The following NCSTN variants were observed in gnomAD, a reference collection of about 807,000 sequenced individuals.
NCSTN encodes anterior pharynx-defective 2.
In NCSTN, 22 loss-of-function variants were observed where a neutral mutation model predicts 87.0. The observed-to-expected ratio is 0.25, with a 90% confidence interval of 0.18 to 0.36. The LOEUF (loss-of-function observed/expected upper bound fraction) is 0.36. Ranked by LOEUF, NCSTN falls within the 10% of genes least tolerant of loss-of-function variation. The pLI is 1.00. For synonymous variants in NCSTN, 306 were observed against 327.1 expected (o/e 0.94, Z 0.69); for missense variants, 693 against 883.3 (o/e 0.78, Z 2.73).
In NCSTN at chr1:160,344,732, G is replaced by C; in HGVS notation, c.96G>C (p.Arg32Ser). 2 of 1,614,010 alleles carry C rather than the reference G, an allele frequency of 1.2e-6. No homozygotes were observed. Among genetic ancestry groups the C allele is most frequent in the African/African-American group, 2.7e-5 (2 of 75,020 alleles). Residue 32 changes from arginine to serine, a missense_variant, in exon 2 of 17, where the codon AGG becomes AGC. Physicochemically the swap from Arg to Ser is moderately radical, Grantham distance 110. Transcript: ENST00000294785. ...SFCVLLAGLC[R>S]GNSVERKIYI... ...TTATCTTCCGATCAGGTTTGTGCAG[G>C]GGAAACTCAGTGGAGAGGAAGATAT...
intron 2 of NCSTN, among the ~76,000 whole-genome samples, chr1:160,346,553 G>A (rs1648501961): frequency 6.6e-6 from 1 of 151,936 alleles, no homozygotes; most frequent in African/African-American, 2.4e-5. Context: ...AAAGCACTGG[G>A]AGTAGGTTGA....
Position 160,344,745 on chromosome 1 carries a change from G to A in NCSTN, c.109G>A (p.Glu37Lys). ...AGGTTTGTGCAGGGGAAACTCAGTG[G>A]AGAGGAAGATATATATCCCCTTAAA... ...LAGLCRGNSVERKIYIPLNKT... is the reference protein window; with the variant it reads ...LAGLCRGNSVKRKIYIPLNKT... Residue 37 changes from glutamate (E) to lysine (K), a missense_variant, in exon 2 of 17, where the codon GAG (glutamate) becomes AAG (lysine). Physicochemically the swap from Glu to Lys is moderately conservative, Grantham distance 56. Coordinates refer to ENST00000294785, the MANE Select transcript of NCSTN (RefSeq NM_015331.3). 6.2e-7 allele frequency: 1 copy of A among 1,614,112 alleles called. No individual in the cohort carries two copies. Among genetic ancestry groups the A allele is most frequent in the East Asian group, 2.2e-5 (1 of 44,890 alleles).
intron 8 of NCSTN, among the ~76,000 whole-genome samples, chr1:160,352,631 A>G (rs1338606832): frequency 6.6e-6 from 1 of 152,190 alleles, no homozygotes. Flanking sequence ...ATAATAGCTG[A>G]TGTTCATCTT....
In NCSTN at chr1:160,357,173, A is replaced by C; in HGVS notation, c.1927A>C (p.Thr643Pro). The change falls in exon 16 of 17, where the codon ACT (threonine) becomes CCT (proline). Residue 643 changes from threonine (T) to proline (P), a missense_variant. This residue lies in a region of NCSTN where 216 missense variants were observed against 311.7 expected (regional missense o/e 0.69). Transcript: ENST00000294785. ...CTTTGAACTGAGTCAGTGGAGCTCTACTGAATACTCTACATGGACTGAGAG... is the reference window on the plus strand; with the variant it reads ...CTTTGAACTGAGTCAGTGGAGCTCTCCTGAATACTCTACATGGACTGAGAG... ...PAFELSQWSSTEYSTWTESRW... is the reference protein window; with the variant it reads ...PAFELSQWSSPEYSTWTESRW... 1 of 1,614,150 alleles carries C rather than the reference A, an allele frequency of 6.2e-7. No individual in the cohort carries two copies. The highest frequency in any genetic ancestry group is 1.1e-5 in the South Asian group (1 of 91,080).
intron 13 of NCSTN, 85 bp from the exon 14 acceptor site, chr1:160,356,175 C>T (rs1244300288): frequency 1.6e-6 from 2 of 1,264,416 alleles, no homozygotes; most frequent in African/African-American, 2.9e-5. Context: ...TGGTTCCTGC[C>T]CCATGACTGG....
In NCSTN at chr1:160,355,894, G is replaced by A. The variant is rs757610530; in HGVS notation, c.1487G>A (p.Arg496His). The A allele has an allele frequency of 7.4e-6, 12 of 1,614,064 alleles. No homozygotes were observed. In the East Asian group the frequency reaches 8.9e-5, roughly 12 times the overall value. Residue 496 changes from arginine to histidine, a missense_variant, in exon 13 of 17, where the codon CGT becomes CAT. By Grantham distance (29) the Arg-to-His change is conservative. Transcript: ENST00000294785. ...ALADVATVLG[R>H]ALYELAGGTN... is the part of the protein sequence containing the mutation. ...GCAGATGTGGCCACGGTGCTGGGAC[G>A]TGCTCTGTATGAGCTTGCAGGAGGA...
Position 160,355,958 on chromosome 1 carries a change from G to A in NCSTN, c.1551G>A (p.Thr517=). The part of the protein sequence containing the change: ...FSDTVQADPQ[T]VTRLLYGFLI... Reference sequence around the variant, plus strand: ...ACACAGTTCAGGCTGATCCCCAAACGGTAAGCAGATGGGCCCTAGCTCCTT... The same window carrying A: ...ACACAGTTCAGGCTGATCCCCAAACAGTAAGCAGATGGGCCCTAGCTCCTT... Residue 517 remains threonine, a splice_region_variant and synonymous_variant, in exon 13 of 17, where the codon ACG becomes ACA. Coordinates refer to ENST00000294785, the MANE Select transcript of NCSTN (RefSeq NM_015331.3). 6.2e-7 allele frequency: 1 copy of A among 1,611,522 alleles called. No homozygotes were observed. The highest frequency in any genetic ancestry group is 8.5e-7 in the Non-Finnish European group (1 of 1,177,792).
chr1:160,353,157 C>G lies in NCSTN; in HGVS notation c.1102-3C>G. On this transcript the variant is annotated splice_region_variant and splice_polypyrimidine_tract_variant and intron_variant, in intron 9 of 16. Coordinates refer to ENST00000294785, the MANE Select transcript of NCSTN (RefSeq NM_015331.3). Reference sequence around the variant, plus strand: ...AAGTGTTGTTTCTTCATCCTCCCCCCAGGTGGCCTTAAGAACTTCATTAGA... The same window carrying G: ...AAGTGTTGTTTCTTCATCCTCCCCCGAGGTGGCCTTAAGAACTTCATTAGA... 3 of 1,614,056 alleles carry G rather than the reference C, an allele frequency of 1.9e-6. No homozygotes were observed. The highest frequency in any genetic ancestry group is 1.7e-6 in the Non-Finnish European group (2 of 1,179,892).
Position 160,343,954 on chromosome 1 carries a change from G to GTT in NCSTN, c.85+494_85+495dup, listed in dbSNP as rs35301624. 1,148 of 151,910 alleles carry GTT rather than the reference G, an allele frequency of 7.6e-3. 3 individuals are homozygous for GTT. Among genetic ancestry groups the GTT allele is most frequent in the South Asian group, 0.019 (222 of 11,778 alleles). The allele number at this position is 151,910 out of a possible 1,614,324, so 9.4% of individuals were successfully genotyped here. On this transcript the variant is annotated intron_variant, in intron 1 of 16. Coordinates refer to ENST00000294785, the MANE Select transcript of NCSTN (RefSeq NM_015331.3). ...TCTGTGTCCCCCTGCCTTGCCTCAG[G>GTT]TTTTTTTTTTTTTTTTTTTTTTAAT...
At chr1:160,344,534 G>A in intron 1 of NCSTN, 188 bp from the exon 2 acceptor site, 1 of 1,549,470 alleles carries the variant, frequency 6.5e-7, no homozygotes, top group Non-Finnish European at 8.7e-7. Flanking sequence ...ACATAGCTGG[G>A]TGCCATGTAG....
chr1:160,343,483 T>G lies in NCSTN; in HGVS notation c.85+2T>G. 1 of 1,605,890 alleles carries G rather than the reference T, an allele frequency of 6.2e-7. No homozygotes were observed. The highest frequency in any genetic ancestry group is 8.5e-7 in the Non-Finnish European group (1 of 1,176,988). ...TGTCTTTCTGCGTCCTACTAGCAGGTGAGGCCTCCCCGCCCGTGAGCTCCG... is the reference window on the plus strand; with the variant it reads ...TGTCTTTCTGCGTCCTACTAGCAGGGGAGGCCTCCCCGCCCGTGAGCTCCG... On this transcript the variant is annotated splice_donor_variant, in intron 1 of 16. Coordinates refer to ENST00000294785, the MANE Select transcript of NCSTN (RefSeq NM_015331.3). LOFTEE classifies it high-confidence loss of function.
At chr1:160,350,304 T>C in intron 5 of NCSTN, 54 bp downstream of exon 5, 1 of 1,600,604 alleles carries the variant, frequency 6.2e-7, no homozygotes, top group Non-Finnish European at 8.5e-7. Context: ...ATTATTTTTC[T>C]AGCCAGGTGT....
rs536334715 is a variant in NCSTN at position 160,351,452 on chromosome 1, A to C, written c.733+80A>C. On this transcript the variant is annotated intron_variant, in intron 6 of 16. Coordinates refer to ENST00000294785, the MANE Select transcript of NCSTN (RefSeq NM_015331.3). The stretch of plus-strand genomic sequence containing the variant: ...AACCAGGCCAGGGAATGTTAGAGAG[A>C]CTGTAATAGGGAAGGAGTAGACACC... 6.2e-5 allele frequency: 94 copies of C among 1,513,310 alleles called. 1 individual carries two copies. In the South Asian group the frequency reaches 1.1e-3, roughly 17 times the overall value. The allele number at this position is 1,513,310 out of a possible 1,614,324, so 93.7% of individuals were successfully genotyped here. A position where few individuals can be genotyped will look rare whatever the true frequency, so the allele number is the denominator to read the frequency against.
chr1:160,348,732 A>G (rs1176169851), intron 2 of NCSTN, among the ~76,000 whole-genome samples: 2 of 152,206 alleles, frequency 1.3e-5, no homozygotes, highest in Admixed American at 1.3e-4. Flanking sequence ...TGGCTAAATA[A>G]GGTTGAGGGC....
At chr1:160,343,578 CCT>C in intron 1 of NCSTN, 97 bp downstream of exon 1, 1 of 1,086,468 alleles carries the variant, frequency 9.2e-7, no homozygotes, top group Non-Finnish European at 1.4e-6. Context: ...TCCTGCTGCC[CCT>C]CTGTCCCCCC....
chr1:160,346,416 C>T (rs1412185546), intron 2 of NCSTN, among the ~76,000 whole-genome samples: 2 of 152,170 alleles, frequency 1.3e-5, no homozygotes, highest in Non-Finnish European at 2.9e-5. Flanking sequence ...AAGCCTTCTT[C>T]CCATTTGATA....
chr1:160,350,086 T>C lies in NCSTN; in HGVS notation c.437-19T>C. On this transcript the variant is annotated intron_variant, in intron 4 of 16. Coordinates refer to ENST00000294785, the MANE Select transcript of NCSTN (RefSeq NM_015331.3). ...GTGTCCCAGTAACCAGTCCCCCTAT[T>C]CCCCATCCTTCCCTTCAGGTGTTTA... is the stretch of plus-strand genomic sequence containing the variant. 1 of 1,613,394 alleles carries C rather than the reference T, an allele frequency of 6.2e-7. No individual in the cohort carries two copies. Among genetic ancestry groups the C allele is most frequent in the Non-Finnish European group, 8.5e-7 (1 of 1,179,456 alleles).
rs1649253464 is a variant in NCSTN, at chr1:160,358,651, C to T, written c.*380C>T. The T allele has an allele frequency of 1.2e-5, 4 of 327,174 alleles. No homozygotes were observed. Among genetic ancestry groups the T allele is most frequent in the South Asian group, 1.1e-4 (4 of 37,260 alleles). The allele number at this position is 327,174 out of a possible 1,614,324, so 20.3% of individuals were successfully genotyped here. On this transcript the variant is annotated 3_prime_UTR_variant, in exon 17 of 17. Transcript: ENST00000294785. ...TCCTCACCCCCACCCCTGTACCCAGCCACCTTCCTGACTGGGAAGGACATA... is the reference window on the plus strand; with the variant it reads ...TCCTCACCCCCACCCCTGTACCCAGTCACCTTCCTGACTGGGAAGGACATA...
Position 160,357,092 on chromosome 1 carries a change from C to G in NCSTN, c.1846C>G (p.Arg616Gly). 1 of 1,613,936 alleles carries G rather than the reference C, an allele frequency of 6.2e-7. No individual in the cohort carries two copies. Among genetic ancestry groups the G allele is most frequent in the Non-Finnish European group, 8.5e-7 (1 of 1,179,964 alleles). ...QGPLHSNETD[R>G]LPRCVRSTAR... ...CCCTTTGCATTCTAATGAGACGGAC[C>G]GACTCCCCCGGTGTGTGCGTTCTAC... Residue 616 changes from arginine to glycine, a missense_variant, in exon 16 of 17, where the codon CGA (arginine) becomes GGA (glycine). Transcript: ENST00000294785.
Sources: allele counts gnomAD v4.1 joint callset (sites outside exome capture counted in the v4.1 genomes callset), GRCh38; gene constraint gnomAD v4.1.1; regional missense constraint gnomAD v4.1.1; transcripts MANE v1.5; gene names NCBI Gene and HGNC (gene_info 2026-07-23, HGNC 2026-07-21).